Variants in IRAK2 observed in about 807,000 individuals in gnomAD.
IRAK2 encodes the protein interleukin 1 receptor associated kinase 2.
IRAK2 carries 57 observed loss-of-function variants against 72.0 expected under a neutral mutation model. That is an observed-to-expected ratio of 0.79 (90% confidence interval 0.64 to 0.99). IRAK2 has a LOEUF of 0.99. IRAK2 is among the 50% of genes least tolerant of loss of function. The pLI, the probability that IRAK2 is intolerant of heterozygous loss-of-function variation, is 0.00. For synonymous variants in IRAK2, 293 were observed against 312.7 expected, an observed-to-expected ratio of 0.94 and a Z score of 0.67; for missense variants, 790 against 794.4, an observed-to-expected ratio of 0.99 and a Z score of 0.07.
intron 12 of IRAK2, among the ~76,000 whole-genome samples, chr3:10,241,198 C>T (rs1011590069): frequency 1.3e-5 from 2 of 150,586 alleles, no homozygotes; most frequent in Non-Finnish European, 2.9e-5. Flanking sequence ...TTGCTTGAGC[C>T]CAGGAGTATA....
intron 2 of IRAK2, among the ~76,000 whole-genome samples, chr3:10,196,685 C>T (rs955377723): frequency 6.6e-6 from 1 of 152,212 alleles, no homozygotes; most frequent in East Asian, 1.9e-4. Context: ...GAGGAGACCC[C>T]GCCTTCCTGC....
At chr3:10,238,438 GAA>G (rs974998661) in intron 11 of IRAK2, among the ~76,000 whole-genome samples, 3 of 152,136 alleles carry the variant, frequency 2.0e-5, no homozygotes, top group African/African-American at 7.2e-5. Flanking sequence ...GCTCTAGGTG[GAA>G]AAGTTTCAGG....
chr3:10,201,911 GTGC>G (rs1234155512), intron 3 of IRAK2, among the ~76,000 whole-genome samples: 1 of 152,188 alleles, frequency 6.6e-6, no homozygotes, highest in East Asian at 1.9e-4. Flanking sequence ...TTGAATCCTA[GTGC>G]TGCTGTTTTG....
chr3:10,219,279 G>A (rs11465908), intron 7 of IRAK2, among the ~76,000 whole-genome samples: 6,072 of 152,094 alleles, frequency 0.04, 276 homozygotes, highest in African/African-American at 0.11. Context: ...GGAGGATCAG[G>A]AGCCTGGGAC....
intron 1 of IRAK2, among the ~76,000 whole-genome samples, chr3:10,166,381 A>G (rs1053508406): frequency 6.6e-6 from 1 of 152,198 alleles, no homozygotes; most frequent in African/African-American, 2.4e-5. Context: ...CTGACGGATG[A>G]CTGGCGGAGA....
chr3:10,196,633 G>T (rs1424078391), intron 2 of IRAK2, among the ~76,000 whole-genome samples: 1 of 152,236 alleles, frequency 6.6e-6, no homozygotes, highest in Non-Finnish European at 1.5e-5. Flanking sequence ...GGTTGGGAGA[G>T]AAGTGCATGT....
intron 3 of IRAK2, 62 bp downstream of exon 3, chr3:10,200,577 A>G (rs1697343255): frequency 4.2e-6 from 6 of 1,431,684 alleles, no homozygotes; most frequent in East Asian, 2.4e-5. Context: ...AGATATATCT[A>G]TAAGGACATT....
intron 2 of IRAK2, among the ~76,000 whole-genome samples, chr3:10,182,543 A>G (rs1036828462): frequency 2.6e-5 from 4 of 151,838 alleles, no homozygotes; most frequent in African/African-American, 9.7e-5. Context: ...GGCCTCCCAA[A>G]GTGCTGGGAT....
rs199614498 is a variant in IRAK2, at chr3:10,234,486, A to G, written c.1300A>G (p.Ser434Gly). The G allele has an allele frequency of 6.2e-7, 1 of 1,614,136 alleles. No homozygotes were observed. The highest frequency in any genetic ancestry group is 2.2e-5 in the East Asian group (1 of 44,884). ...GGACTTACTCCTCAGTGATATTCCAAGCAGCACCGCCTCGCTCTGCTCCAG... is the reference window on the plus strand; with the variant it reads ...GGACTTACTCCTCAGTGATATTCCAGGCAGCACCGCCTCGCTCTGCTCCAG... ...LKDLLLSDIP[S>G]STASLCSRKT... Residue 434 changes from serine (S) to glycine (G), a missense_variant, in exon 11 of 13, where the codon AGC becomes GGC. Ser to Gly is a moderately conservative substitution (Grantham distance 56). Coordinates refer to ENST00000256458, the MANE Select transcript of IRAK2 (RefSeq NM_001570.4).
intron 7 of IRAK2, among the ~76,000 whole-genome samples, chr3:10,218,423 C>CAAAAAAAA (rs56893916): frequency 1.6e-4 from 8 of 49,264 alleles, no homozygotes; most frequent in African/African-American, 1.9e-4. Flanking sequence ...GACTCCGTCT[C>CAAAAAAAA]AAAAAAAAAA....
intron 2 of IRAK2, among the ~76,000 whole-genome samples, chr3:10,188,376 C>G (rs1313094129): frequency 2.0e-5 from 3 of 152,220 alleles, no homozygotes; most frequent in Non-Finnish European, 4.4e-5. Flanking sequence ...ACGCTGTCAC[C>G]TGGGCTGGAG....
chr3:10,200,624 C>CAAAAA (rs1697343907), intron 3 of IRAK2, 109 bp downstream of exon 3: 1 of 871,892 alleles, frequency 1.1e-6, no homozygotes. Context: ...TGAGGCTGAG[C>CAAAAA]ATGGTGGCCC....
chr3:10,186,374 T>C (rs1697075424), intron 2 of IRAK2, among the ~76,000 whole-genome samples: 1 of 151,736 alleles, frequency 6.6e-6, no homozygotes, highest in African/African-American at 2.4e-5. Context: ...TTCTAATCAG[T>C]TCTGCTGTGG....
intron 2 of IRAK2, among the ~76,000 whole-genome samples, chr3:10,181,381 G>A (rs1195422340): frequency 6.6e-6 from 1 of 152,090 alleles, no homozygotes; most frequent in Non-Finnish European, 1.5e-5. Flanking sequence ...AGGCCGAGGC[G>A]GGTAGATCAC....
intron 2 of IRAK2, among the ~76,000 whole-genome samples, chr3:10,191,943 T>G (rs1388150659): frequency 1.3e-5 from 2 of 152,148 alleles, no homozygotes; most frequent in South Asian, 2.1e-4. Context: ...ACAAGTTCAG[T>G]GGAGAACCAG....
intron 2 of IRAK2, among the ~76,000 whole-genome samples, chr3:10,195,395 C>T (rs914213004): frequency 1.3e-5 from 2 of 152,044 alleles, no homozygotes; most frequent in African/African-American, 4.8e-5. Flanking sequence ...TGTCTCTACA[C>T]AAAATTAAAA....
chr3:10,209,891 C>A (rs776189293), intron 4 of IRAK2, among the ~76,000 whole-genome samples, 199 bp downstream of exon 4: 43 of 152,020 alleles, frequency 2.8e-4, no homozygotes, highest in Non-Finnish European at 6.2e-4. Flanking sequence ...GAGGGCACTT[C>A]AGTGAATATA....
intron 2 of IRAK2, among the ~76,000 whole-genome samples, chr3:10,192,690 G>A (rs1213174883): frequency 6.6e-6 from 1 of 151,918 alleles, no homozygotes; most frequent in Non-Finnish European, 1.5e-5. Context: ...AGGCCAAGGC[G>A]GACGGATCAC....
chr3:10,190,170 G>A (rs1697151798), intron 2 of IRAK2, among the ~76,000 whole-genome samples: 1 of 150,276 alleles, frequency 6.7e-6, no homozygotes, highest in African/African-American at 2.5e-5. Context: ...TTACTAGATT[G>A]CATCATCACT....
Sources: allele counts gnomAD v4.1 joint callset (sites outside exome capture counted in the v4.1 genomes callset), GRCh38; gene constraint gnomAD v4.1.1; transcripts MANE v1.5; gene names NCBI Gene and HGNC (gene_info 2026-07-23, HGNC 2026-07-21).